Variants in PCDH15 observed in about 807,000 individuals in gnomAD.
PCDH15 encodes protocadherin-15.
A neutral mutation model predicts 178.5 loss-of-function variants in PCDH15; 129 were observed. That is an observed-to-expected ratio of 0.72 (90% CI 0.63 to 0.84). The LOEUF (loss-of-function observed/expected upper bound fraction) is 0.84. PCDH15 is among the 40% of genes least tolerant of loss of function. The probability of loss-of-function intolerance (pLI) is 0.00; values close to 1 mark genes in which losing one functional copy is unlikely to be tolerated. For synonymous variants in PCDH15, 800 were observed against 732.0 expected, an observed-to-expected ratio of 1.09 and a Z score of -1.50; for missense variants, 2,230 against 2,099.9, an observed-to-expected ratio of 1.06 and a Z score of -1.21.
intron 3 of PCDH15, among the ~76,000 whole-genome samples, chr10:54,434,402 C>T (rs1349579606): frequency 6.6e-6 from 1 of 152,138 alleles, no homozygotes; most frequent in Non-Finnish European, 1.5e-5. Context: ...ATTGTAAGTG[C>T]CTTGCATTGG....
intron 2 of PCDH15, among the ~76,000 whole-genome samples, chr10:55,543,692 G>A (rs187519281): frequency 6.6e-6 from 1 of 150,882 alleles, no homozygotes; most frequent in East Asian, 1.9e-4. Context: ...ACATTTTACA[G>A]ACCAGAAAAA....
chr10:55,553,763 G>A (rs1842040737), intron 2 of PCDH15, among the ~76,000 whole-genome samples: 1 of 151,818 alleles, frequency 6.6e-6, no homozygotes, highest in African/African-American at 2.4e-5. Flanking sequence ...AATATGATGA[G>A]TATGTAGTTG....
chr10:55,425,746 A>C (rs77458759), intron 2 of PCDH15, among the ~76,000 whole-genome samples: 1,980 of 152,246 alleles, frequency 0.013, 75 homozygotes, highest in Admixed American at 0.076. Context: ...AACTTTTTCA[A>C]AGGATCTGAT....
chr10:53,962,519 A>G (rs908885483), intron 21 of PCDH15, among the ~76,000 whole-genome samples: 2 of 152,228 alleles, frequency 1.3e-5, no homozygotes, highest in African/African-American at 4.8e-5. Context: ...TTAAGATGAC[A>G]TTAATAATGA....
At position 54,436,051 on chromosome 10, in the gene PCDH15, A is replaced by AAAAG. The variant is rs1375842895; in HGVS notation, c.158-57113_158-57110dup. 3.5e-4 allele frequency among the ~76,000 whole-genome samples: 48 copies of AAAAG among 138,524 alleles called. 1 individual carries two copies. Among genetic ancestry groups the AAAAG allele is most frequent in the East Asian group, 3.4e-3 (17 of 5,012 alleles). The allele number at this position is 138,524 out of a possible 152,430, so 90.9% of individuals were successfully genotyped here. ...GGAGAGGAGAGAGAGAGAGAGAGAG[A>AAAAG]AAAGAAAGAAAGAAAGAAAGAAGGA... On this transcript the variant is annotated intron_variant, in intron 3 of 37. Transcript: ENST00000644397.
At chr10:54,856,960 G>GTT (rs202101536) in intron 3 of PCDH15, among the ~76,000 whole-genome samples, 3 of 151,594 alleles carry the variant, frequency 2.0e-5, no homozygotes, top group South Asian at 2.1e-4. Context: ...TTTTGTTTTT[G>GTT]TTTTTTTTAC....
At chr10:54,437,255 C>G in intron 3 of PCDH15, among the ~76,000 whole-genome samples, 1 of 152,074 alleles carries the variant, frequency 6.6e-6, no homozygotes, top group East Asian at 1.9e-4. Context: ...ACACACAAAG[C>G]AAAGGATATA....
chr10:54,549,664 T>C (rs1590048003), intron 2 of PCDH15, among the ~76,000 whole-genome samples: 1 of 151,802 alleles, frequency 6.6e-6, no homozygotes, highest in East Asian at 1.9e-4. Flanking sequence ...ACCTTTGGTA[T>C]AGGTTTTTAT....
chr10:55,190,264 T>A (rs1591977455), intron 1 of PCDH15, among the ~76,000 whole-genome samples: 2 of 149,848 alleles, frequency 1.3e-5, no homozygotes, highest in Admixed American at 1.3e-4. Context: ...CTGAAGTTAT[T>A]AAAAAAAAAA....
At chr10:54,890,408 A>C (rs964682306) in intron 3 of PCDH15, among the ~76,000 whole-genome samples, 1 of 152,046 alleles carries the variant, frequency 6.6e-6, no homozygotes, top group African/African-American at 2.4e-5. Context: ...CAAAAAGATA[A>C]ATGTAAATAA....
chr10:55,114,862 G>T (rs1026530554), intron 2 of PCDH15, among the ~76,000 whole-genome samples: 1 of 152,052 alleles, frequency 6.6e-6, no homozygotes, highest in African/African-American at 2.4e-5. Context: ...GTAATTCTGG[G>T]TGTCTGTCAT....
chr10:55,556,450 A>G (rs1842092540), intron 2 of PCDH15, among the ~76,000 whole-genome samples: 1 of 152,102 alleles, frequency 6.6e-6, no homozygotes, highest in Non-Finnish European at 1.5e-5. Flanking sequence ...GGAAAATCCT[A>G]TTGGTTTCTG....
At chr10:55,396,759 T>G (rs1303425816) in intron 2 of PCDH15, among the ~76,000 whole-genome samples, 2 of 152,028 alleles carry the variant, frequency 1.3e-5, no homozygotes, top group African/African-American at 4.8e-5. Context: ...TACCCAAAGG[T>G]GGTAAGTCAA....
At chr10:55,572,336 TTC>T (rs1360049563) in intron 2 of PCDH15, among the ~76,000 whole-genome samples, 2 of 151,664 alleles carry the variant, frequency 1.3e-5, no homozygotes, top group African/African-American at 4.8e-5. Flanking sequence ...CTCCAATACA[TTC>T]TGTCTCCTTC....
chr10:54,376,819 C>T (rs1160856941), intron 4 of PCDH15, among the ~76,000 whole-genome samples: 2 of 151,794 alleles, frequency 1.3e-5, no homozygotes, highest in Non-Finnish European at 2.9e-5. Context: ...ACTCCCTAGT[C>T]CAGTAATATA....
intron 2 of PCDH15, among the ~76,000 whole-genome samples, chr10:54,909,539 G>A (rs911146140): frequency 4.6e-5 from 7 of 152,102 alleles, no homozygotes; most frequent in African/African-American, 1.7e-4. Flanking sequence ...GCCCAACTGT[G>A]GGGAGAAGCC....
At chr10:55,412,430 T>C (rs895299564) in intron 2 of PCDH15, among the ~76,000 whole-genome samples, 3 of 151,996 alleles carry the variant, frequency 2.0e-5, no homozygotes, top group Admixed American at 1.3e-4. Flanking sequence ...AAAGCATGCC[T>C]GCATATGTGC....
chr10:53,850,194 TA>T (rs1478780320), intron 28 of PCDH15, among the ~76,000 whole-genome samples: 11 of 152,106 alleles, frequency 7.2e-5, no homozygotes, highest in Non-Finnish European at 1.3e-4. Context: ...ATTTCAATAC[TA>T]AAGTTTTGGA....
intron 28 of PCDH15, among the ~76,000 whole-genome samples, chr10:53,854,887 T>C (rs1162521322): frequency 2.0e-5 from 3 of 152,106 alleles, no homozygotes; most frequent in Non-Finnish European, 4.4e-5. Context: ...CAAAGTTTTA[T>C]GAAGTCAGAG....
Sources: gnomAD v4.1 joint callset for allele counts (sites outside exome capture counted in the v4.1 genomes callset) on GRCh38, gnomAD v4.1.1 for gene constraint, MANE v1.5 for transcripts, NCBI Gene and HGNC (gene_info 2026-07-23, HGNC 2026-07-21) for gene names.